The following PPEF1 variants were observed in gnomAD, a reference collection of about 807,000 sequenced individuals.
PPEF1 encodes serine/threonine-protein phosphatase with EF-hands 1.
A neutral mutation model predicts 53.3 loss-of-function variants in PPEF1; 12 were observed. The observed-to-expected ratio is 0.23, with a 90% CI of 0.14 to 0.36. The LOEUF (loss-of-function observed/expected upper bound fraction) is 0.36, where lower values mean the gene tolerates loss of function less well. Ranked by LOEUF, PPEF1 falls within the 10% of genes least tolerant of loss-of-function variation. The pLI is 1.00. For missense variants in PPEF1, 334 were observed against 490.4 expected (o/e 0.68, Z 3.01); for synonymous variants, 165 against 176.7 (o/e 0.93, Z 0.52).
chrX:18,794,182 TACTCCA>T (rs1190444412), intron 10 of PPEF1, among the ~76,000 whole-genome samples: 4 of 113,236 alleles, frequency 3.5e-5, no homozygotes, highest in African/African-American at 1.3e-4. Context: ...GTTTGAGGCT[TACTCCA>T]ACCTCCACAA....
At chrX:18,808,552 C>T (rs1317382430) in intron 12 of PPEF1, among the ~76,000 whole-genome samples, 2 of 99,470 alleles carry the variant, frequency 2.0e-5, no homozygotes, top group African/African-American at 7.3e-5. Context: ...GACTCAACAG[C>T]AAAAAAAAAA....
At chrX:18,769,513 C>G (rs1227055060) in intron 6 of PPEF1, among the ~76,000 whole-genome samples, 1 of 111,221 alleles carries the variant, frequency 9.0e-6, no homozygotes. Context: ...GACCTCCTAT[C>G]GCTGAAAAAG....
intron 13 of PPEF1, among the ~76,000 whole-genome samples, chrX:18,820,131 G>C (rs1420536953): frequency 2.7e-5 from 3 of 111,608 alleles, no homozygotes. Context: ...AGCTTTATTA[G>C]TATCAGGCAA....
At chrX:18,678,087 C>T (rs1928740076), upstream of PPEF1, among the ~76,000 whole-genome samples, 1 of 96,492 alleles carries the variant, frequency 1.0e-5, no homozygotes, top group Non-Finnish European at 2.0e-5. Flanking sequence ...GCCATGATTG[C>T]ACCGCTGCAC....
At chrX:18,729,236 A>G (rs2044779914) in intron 1 of PPEF1, among the ~76,000 whole-genome samples, 1 of 111,859 alleles carries the variant, frequency 8.9e-6, no homozygotes, top group African/African-American at 3.3e-5. Flanking sequence ...TTATCAATCG[A>G]ATCTCAGGTG....
chrX:18,739,986 G>A (rs1424020921), intron 3 of PPEF1, among the ~76,000 whole-genome samples: 1 of 112,545 alleles, frequency 8.9e-6, no homozygotes, highest in Non-Finnish European at 1.9e-5. Context: ...CATTGGAAAA[G>A]TGCAGTATTA....
chrX:18,731,389 A>T, intron 2 of PPEF1, among the ~76,000 whole-genome samples: 1 of 112,482 alleles, frequency 8.9e-6, no homozygotes, highest in Non-Finnish European at 1.9e-5. Flanking sequence ...ACATTCCAAA[A>T]AGAACTAAGT....
chrX:18,684,945 A>T (rs749749544), intron 2 of PPEF1, among the ~76,000 whole-genome samples: 16 of 112,116 alleles, frequency 1.4e-4, no homozygotes, highest in Admixed American at 1.1e-3. Context: ...CCTAGTTTCT[A>T]AAGTCACTCC....
At chrX:18,782,566 A>T (rs940469373) in intron 8 of PPEF1, among the ~76,000 whole-genome samples, 164 bp downstream of exon 8, 3 of 111,227 alleles carry the variant, frequency 2.7e-5, no homozygotes, top group African/African-American at 9.8e-5. Flanking sequence ...AGCCCTGGCC[A>T]CAGTAGAGTC....
intron 10 of PPEF1, among the ~76,000 whole-genome samples, chrX:18,789,749 A>G (rs2046291638): frequency 8.9e-6 from 1 of 112,234 alleles, no homozygotes; most frequent in African/African-American, 3.2e-5. Flanking sequence ...AGGCTCATCC[A>G]TGTTGTAGCA....
At chrX:18,743,404 A>C (rs1184235596) in intron 3 of PPEF1, among the ~76,000 whole-genome samples, 4 of 106,113 alleles carry the variant, frequency 3.8e-5, no homozygotes, top group African/African-American at 1.1e-4. Flanking sequence ...CCCTTTGAGC[A>C]GTCAAGTTGC....
intron 4 of PPEF1, among the ~76,000 whole-genome samples, chrX:18,750,817 A>G (rs1197046359): frequency 1.8e-5 from 2 of 110,733 alleles, no homozygotes; most frequent in Admixed American, 9.6e-5. Context: ...GTAGGTTCCA[A>G]TTTCTTCATG....
At chrX:18,682,146 C>T (rs1040042047), upstream of PPEF1, among the ~76,000 whole-genome samples, 30 of 112,655 alleles carry the variant, frequency 2.7e-4, no homozygotes, top group African/African-American at 8.7e-4. Flanking sequence ...ACTGCACCAG[C>T]GCAGGTGCGC....
intron 13 of PPEF1, among the ~76,000 whole-genome samples, chrX:18,823,359 T>C (rs769168136): frequency 8.9e-6 from 1 of 111,794 alleles, no homozygotes; most frequent in African/African-American, 3.2e-5. Flanking sequence ...GCATGGTGGC[T>C]CACACCTGTA....
chrX:18,820,377 A>G (rs1328971991), intron 13 of PPEF1, among the ~76,000 whole-genome samples: 1 of 94,076 alleles, frequency 1.1e-5, no homozygotes, highest in Non-Finnish European at 2.2e-5. Context: ...CAGATAAAAG[A>G]TTAGCAGACT....
intron 3 of PPEF1, among the ~76,000 whole-genome samples, chrX:18,737,023 CTTCT>C (rs780477553): frequency 9.0e-6 from 1 of 111,284 alleles, no homozygotes; most frequent in Admixed American, 9.6e-5. Context: ...TCTCTCTTTT[CTTCT>C]TTATTAGTCT....
At chrX:18,747,791 AT>A in intron 3 of PPEF1, among the ~76,000 whole-genome samples, 1 of 112,283 alleles carries the variant, frequency 8.9e-6, no homozygotes, top group Admixed American at 9.5e-5. Context: ...TATTCACTTT[AT>A]TTTTTAGAGT....
intron 3 of PPEF1, among the ~76,000 whole-genome samples, chrX:18,740,413 CTT>C (rs763003965): frequency 6.1e-5 from 6 of 98,155 alleles, no homozygotes; most frequent in East Asian, 3.1e-4. Flanking sequence ...CTCTCTCTCT[CTT>C]TTTTTTTTTT....
chrX:18,715,099 G>A (rs181153379), intron 1 of PPEF1, among the ~76,000 whole-genome samples: 210 of 111,768 alleles, frequency 1.9e-3, no homozygotes, highest in Non-Finnish European at 1.4e-3. Flanking sequence ...CGGGCCAGGC[G>A]CGGTGACTCA....
Sources: gnomAD v4.1 joint callset for allele counts (sites outside exome capture counted in the v4.1 genomes callset) on GRCh38, gnomAD v4.1.1 for gene constraint, MANE v1.5 for transcripts, NCBI Gene and HGNC (gene_info 2026-07-23, HGNC 2026-07-21) for gene names.